Variants in ITGA6 observed in about 807,000 individuals in gnomAD.
ITGA6 encodes the protein integrin subunit alpha 6, also known as integrin alpha-6.
Under a neutral mutation model 133.6 loss-of-function variants are expected in ITGA6, and 63 were observed. The ratio of observed to expected loss-of-function variants is 0.47; its 90% confidence interval spans 0.38 to 0.58. The LOEUF is 0.58. Among genes scored for constraint, ITGA6 ranks in the 20% least tolerant of loss-of-function variants. ITGA6 has a pLI of 0.00. For missense variants in ITGA6, 1,068 were observed against 1,309.4 expected (o/e 0.82, Z 2.85); for synonymous variants, 434 against 482.0 (o/e 0.90, Z 1.30).
chr2:172,479,011 A>T (rs769583594), intron 9 of ITGA6, among the ~76,000 whole-genome samples: 1 of 152,306 alleles, frequency 6.6e-6, no homozygotes, highest in South Asian at 2.1e-4. Context: ...TTTGACTCCA[A>T]AATTCTGCTG....
In ITGA6 at chr2:172,479,958, C is replaced by CT. The variant is rs1384638091; in HGVS notation, c.1488-28dup. Reference sequence around the variant, plus strand: ...GGTTTTTTCCACTGCAATAATGGATCTTTTAAGAAATATGTGTTTGATTTT... The same window carrying CT: ...GGTTTTTTCCACTGCAATAATGGATCTTTTTAAGAAATATGTGTTTGATTTT... On this transcript the variant is annotated intron_variant, in intron 10 of 25. Coordinates refer to ENST00000684293, the MANE Select transcript of ITGA6 (RefSeq NM_000210.4). 2.7e-6 allele frequency: 4 copies of CT among 1,469,612 alleles called. No homozygotes were observed. In the East Asian group the frequency reaches 9.0e-5, roughly 33 times the overall value. The allele number at this position is 1,469,612 out of a possible 1,614,324, so 91.0% of individuals were successfully genotyped here.
At position 172,492,220 on chromosome 2, in the gene ITGA6, C is replaced by T. The variant is rs145857513; in HGVS notation, c.2988+697C>T. On this transcript the variant is annotated intron_variant, in intron 23 of 25. Coordinates refer to ENST00000684293, the MANE Select transcript of ITGA6 (RefSeq NM_000210.4). ...TACCTCTCAGCATCTCGGCACCACA[C>T]TTCTGTCAGACCTGCCTAAAATTTG... 2.9e-4 allele frequency among the ~76,000 whole-genome samples: 44 copies of T among 152,338 alleles called. 1 individual carries two copies. The highest frequency in any genetic ancestry group is 9.4e-4 in the African/African-American group (39 of 41,582).
At chr2:172,485,357 C>A in intron 13 of ITGA6, 93 bp downstream of exon 13, 1 of 1,091,472 alleles carries the variant, frequency 9.2e-7, no homozygotes, top group Non-Finnish European at 1.4e-6. Context: ...TAGTGATTTG[C>A]TTTAAAGGCC....
chr2:172,490,977 CAAA>C (rs1559152351), intron 20 of ITGA6, 44 bp from the exon 21 acceptor site: 2 of 971,732 alleles, frequency 2.1e-6, no homozygotes, highest in Non-Finnish European at 3.4e-6. Flanking sequence ...ATGGTAATGA[CAAA>C]GAATTACATA....
At chr2:172,478,409 A>G (rs982808738) in intron 9 of ITGA6, among the ~76,000 whole-genome samples, 1 of 152,196 alleles carries the variant, frequency 6.6e-6, no homozygotes, top group Admixed American at 6.5e-5. Flanking sequence ...CATCAGAGTC[A>G]GCCTAACTGA....
At chr2:172,484,141 TC>T (rs1454965386) in intron 11 of ITGA6, among the ~76,000 whole-genome samples, 1 of 152,224 alleles carries the variant, frequency 6.6e-6, no homozygotes, top group Non-Finnish European at 1.5e-5. Context: ...AAAGGTCTCA[TC>T]CTACTGTCGA....
chr2:172,500,163 G>C (rs1687290202), intron 24 of ITGA6, among the ~76,000 whole-genome samples: 1 of 151,812 alleles, frequency 6.6e-6, no homozygotes, highest in Non-Finnish European at 1.5e-5. Flanking sequence ...GCAGGATGAA[G>C]ATCCCTACTT....
At chr2:172,461,159 A>G (rs1340356938) in intron 1 of ITGA6, among the ~76,000 whole-genome samples, 1 of 152,172 alleles carries the variant, frequency 6.6e-6, no homozygotes, top group Non-Finnish European at 1.5e-5. Context: ...GACTCCAAAG[A>G]CCTGAATTTA....
In ITGA6 at chr2:172,504,221, C is replaced by T. The variant is rs1687467402; in HGVS notation, c.*153C>T. 1 of 1,566,746 alleles carries T rather than the reference C, an allele frequency of 6.4e-7. No homozygotes were observed. The highest frequency in any genetic ancestry group is 1.4e-5 in the African/African-American group (1 of 73,026). ...AACCTTGAAAAAAAACAGTGGATCA[C>T]AAAGTGGAACGAAAATGAAAGCTAC... On this transcript the variant is annotated 3_prime_UTR_variant, in exon 26 of 26. Transcript: ENST00000684293.
At chr2:172,460,873 C>A (rs563999952) in intron 1 of ITGA6, among the ~76,000 whole-genome samples, 1 of 152,146 alleles carries the variant, frequency 6.6e-6, no homozygotes, top group African/African-American at 2.4e-5. Context: ...TTTCCTCTGA[C>A]CAGCTTGCAT....
chr2:172,498,458 G>A (rs568328789), intron 24 of ITGA6, among the ~76,000 whole-genome samples: 20 of 152,320 alleles, frequency 1.3e-4, no homozygotes, highest in African/African-American at 4.6e-4. Context: ...TAATCTGAAT[G>A]TGTATCCCTG....
chr2:172,475,196 A>T (rs1253141975), intron 7 of ITGA6, 74 bp downstream of exon 7: 12 of 1,051,352 alleles, frequency 1.1e-5, no homozygotes, highest in Non-Finnish European at 1.8e-5. Context: ...TGCTGGGCAC[A>T]GTGGCTCACG....
chr2:172,469,667 A>G (rs1379706273), intron 4 of ITGA6, among the ~76,000 whole-genome samples: 1 of 152,100 alleles, frequency 6.6e-6, no homozygotes, highest in African/African-American at 2.4e-5. Context: ...TTGCTGTTTT[A>G]GATTTGTGCG....
Position 172,472,727 on chromosome 2 carries a change from C to T in ITGA6, c.776-1328C>T, listed in dbSNP as rs372527510. The T allele has an allele frequency of 8.9e-6, 11 of 1,230,116 alleles. No individual in the cohort carries two copies. The African/African-American group carries it at 1.0e-4, about 12-fold the overall frequency. The allele number at this position is 1,230,116 out of a possible 1,614,324, so 76.2% of individuals were successfully genotyped here. On this transcript the variant is annotated intron_variant, in intron 5 of 25. Transcript: ENST00000684293. ...AGTGGCTGTCCTGCCTCTTACCAAG[C>T]ATAATTACTTTTTCTTCAATTTCTT...
chr2:172,501,439 C>T (rs989163943), intron 24 of ITGA6, among the ~76,000 whole-genome samples: 52 of 152,300 alleles, frequency 3.4e-4, no homozygotes, highest in African/African-American at 1.2e-3. Flanking sequence ...TTCATATTCT[C>T]CTGCAGGAAG....
chr2:172,470,449 A>C (rs1230692384), intron 4 of ITGA6, among the ~76,000 whole-genome samples: 1 of 152,202 alleles, frequency 6.6e-6, no homozygotes, highest in African/African-American at 2.4e-5. Flanking sequence ...AACCTGACCT[A>C]AAATGTCGCC....
At chr2:172,457,122 C>G (rs925437898) in intron 1 of ITGA6, among the ~76,000 whole-genome samples, 3 of 151,938 alleles carry the variant, frequency 2.0e-5, no homozygotes, top group African/African-American at 7.3e-5. Flanking sequence ...GGTGAAACCC[C>G]ATTTCTACTA....
At chr2:172,472,824 T>C (rs752376947) in intron 5 of ITGA6, 17 of 1,612,622 alleles carry the variant, frequency 1.1e-5, no homozygotes, top group Admixed American at 1.7e-5. Context: ...TCAGTTTGTT[T>C]ATAAAACACG....
intron 24 of ITGA6, among the ~76,000 whole-genome samples, chr2:172,500,124 T>C (rs17740327): frequency 0.15 from 22,100 of 152,074 alleles, 1,821 homozygotes; most frequent in African/African-American, 0.22. Flanking sequence ...GGATTTTGTA[T>C]ATCCATGTAG....
Sources: allele counts gnomAD v4.1 joint callset (sites outside exome capture counted in the v4.1 genomes callset), GRCh38; gene constraint gnomAD v4.1.1; transcripts MANE v1.5; gene names NCBI Gene and HGNC (gene_info 2026-07-23, HGNC 2026-07-21).